Variants in FGF12 observed in about 807,000 individuals in gnomAD.
The protein encoded by FGF12 is fibroblast growth factor 12B.
In FGF12, 14 loss-of-function variants were observed where a neutral mutation model predicts 23.6. The ratio of observed to expected loss-of-function variants is 0.59; its 90% CI spans 0.39 to 0.93. The LOEUF is 0.93. Ranked by LOEUF, FGF12 falls within the 40% of genes least tolerant of loss-of-function variation. The probability of loss-of-function intolerance (pLI) is 0.00; values close to 1 mark genes in which losing one functional copy is unlikely to be tolerated. For synonymous variants in FGF12, 62 were observed against 77.3 expected (o/e 0.80, Z 1.04); for missense variants, 175 against 217.8 (o/e 0.80, Z 1.24).
At chr3:192,512,082 T>C (rs1163879256) in intron 2 of FGF12, among the ~76,000 whole-genome samples, 1 of 152,172 alleles carries the variant, frequency 6.6e-6, no homozygotes, top group Non-Finnish European at 1.5e-5. Context: ...TTATTTCCTT[T>C]CTGTGGACCT....
chr3:192,527,169 C>T (rs1260473364), intron 2 of FGF12, among the ~76,000 whole-genome samples: 1 of 152,120 alleles, frequency 6.6e-6, no homozygotes, highest in Non-Finnish European at 1.5e-5. Context: ...GAAGAGAGAC[C>T]TGAGCTAGCA....
At chr3:192,227,594 A>G (rs932054123) in intron 4 of FGF12, among the ~76,000 whole-genome samples, 2 of 151,482 alleles carry the variant, frequency 1.3e-5, no homozygotes, top group South Asian at 2.1e-4. Flanking sequence ...AAAAAAAAAA[A>G]AAAAGAAAAA....
intron 4 of FGF12, among the ~76,000 whole-genome samples, chr3:192,299,804 C>G (rs1715239485): frequency 6.6e-6 from 1 of 152,158 alleles, no homozygotes; most frequent in African/African-American, 2.4e-5. Context: ...AGACAGTGCT[C>G]TCTGTGCAAT....
At chr3:192,612,390 C>T (rs1050949048) in intron 2 of FGF12, among the ~76,000 whole-genome samples, 14 of 151,740 alleles carry the variant, frequency 9.2e-5, no homozygotes, top group Admixed American at 4.0e-4. Context: ...TTTATTATGC[C>T]GAACTGGGAT....
intron 2 of FGF12, among the ~76,000 whole-genome samples, chr3:192,718,984 G>T (rs1200691940): frequency 6.7e-6 from 1 of 149,494 alleles, no homozygotes; most frequent in African/African-American, 2.5e-5. Flanking sequence ...TGGGCAAACC[G>T]AGTTAAAAAA....
At chr3:192,707,543 C>T (rs759662921) in intron 2 of FGF12, among the ~76,000 whole-genome samples, 3 of 151,854 alleles carry the variant, frequency 2.0e-5, no homozygotes, top group Non-Finnish European at 4.4e-5. Context: ...GTCAGGAGAT[C>T]GAGACCATCC....
intron 2 of FGF12, among the ~76,000 whole-genome samples, chr3:192,557,869 C>G (rs550047876): frequency 6.6e-6 from 1 of 151,866 alleles, no homozygotes; most frequent in African/African-American, 2.4e-5. Flanking sequence ...AAATTCAACA[C>G]TTTTTCATTT....
intron 2 of FGF12, among the ~76,000 whole-genome samples, chr3:192,664,172 C>A (rs181678550): frequency 6.6e-6 from 1 of 152,200 alleles, no homozygotes; most frequent in East Asian, 1.9e-4. Context: ...TTTGTGTCAA[C>A]CAAATGAATC....
chr3:192,642,304 A>G (rs999244592), intron 2 of FGF12, among the ~76,000 whole-genome samples: 1 of 152,210 alleles, frequency 6.6e-6, no homozygotes, highest in Non-Finnish European at 1.5e-5. Flanking sequence ...CGAGAATTCG[A>G]AACACTTTCC....
intron 2 of FGF12, among the ~76,000 whole-genome samples, chr3:192,487,040 T>C (rs576107259): frequency 6.6e-6 from 1 of 152,102 alleles, no homozygotes; most frequent in Non-Finnish European, 1.5e-5. Flanking sequence ...TCCAGTAACA[T>C]TGAGCCTGCA....
At chr3:192,403,550 T>TG (rs1444719944) in intron 2 of FGF12, among the ~76,000 whole-genome samples, 4 of 151,448 alleles carry the variant, frequency 2.6e-5, no homozygotes, top group Admixed American at 6.6e-5. Flanking sequence ...TCTTACTGTT[T>TG]TTTTTTTTTT....
chr3:192,460,674 A>T (rs1722835534), intron 2 of FGF12, among the ~76,000 whole-genome samples: 1 of 134,636 alleles, frequency 7.4e-6, no homozygotes, highest in African/African-American at 3.0e-5. Flanking sequence ...ACACACACAC[A>T]CATATATTTA....
At chr3:192,546,066 A>C (rs1262647049) in intron 2 of FGF12, among the ~76,000 whole-genome samples, 1 of 152,214 alleles carries the variant, frequency 6.6e-6, no homozygotes, top group Non-Finnish European at 1.5e-5. Flanking sequence ...GACCTAGTAA[A>C]TGAGGGACAG....
intron 2 of FGF12, among the ~76,000 whole-genome samples, chr3:192,479,869 C>T (rs1295707620): frequency 6.6e-6 from 1 of 152,036 alleles, no homozygotes; most frequent in Non-Finnish European, 1.5e-5. Context: ...AATGAAGACC[C>T]TATAAACACT....
chr3:192,653,323 T>C (rs961253264), intron 2 of FGF12, among the ~76,000 whole-genome samples: 2 of 152,166 alleles, frequency 1.3e-5, no homozygotes, highest in Non-Finnish European at 2.9e-5. Flanking sequence ...TCCATTTCTT[T>C]AGAATAATCA....
intron 4 of FGF12, among the ~76,000 whole-genome samples, chr3:192,279,740 C>T (rs1714033636): frequency 6.6e-6 from 1 of 152,158 alleles, no homozygotes; most frequent in Non-Finnish European, 1.5e-5. Context: ...GGCAGCACAA[C>T]AGGTCTGTCA....
chr3:192,691,809 A>G (rs1383594037), intron 2 of FGF12, among the ~76,000 whole-genome samples: 2 of 152,030 alleles, frequency 1.3e-5, no homozygotes, highest in Non-Finnish European at 2.9e-5. Flanking sequence ...AAAAAAAGAC[A>G]CGAGATAAAA....
At chr3:192,709,635 G>C (rs539040875) in intron 2 of FGF12, among the ~76,000 whole-genome samples, 14 of 152,164 alleles carry the variant, frequency 9.2e-5, no homozygotes, top group Non-Finnish European at 1.9e-4. Flanking sequence ...ATTCTCTTCT[G>C]ACCAAGTTAA....
chr3:192,595,987 G>A (rs1358092839), intron 2 of FGF12, among the ~76,000 whole-genome samples: 2 of 151,672 alleles, frequency 1.3e-5, no homozygotes, highest in Admixed American at 6.6e-5. Flanking sequence ...CAGCTACTTG[G>A]GAGGCTGAGG....
Sources: allele counts gnomAD v4.1 joint callset (sites outside exome capture counted in the v4.1 genomes callset), GRCh38; gene constraint gnomAD v4.1.1; transcripts MANE v1.5; gene names NCBI Gene and HGNC (gene_info 2026-07-23, HGNC 2026-07-21).